NR6A1: variants seen among roughly 807,000 people sequenced by gnomAD.
NR6A1 encodes retinoic acid receptor-related testis-associated receptor.
A neutral mutation model predicts 59.1 loss-of-function variants in NR6A1; 7 were observed. That is an observed-to-expected ratio of 0.12 (90% CI 0.07 to 0.22). The LOEUF (loss-of-function observed/expected upper bound fraction) is 0.22, where lower values mean the gene tolerates loss of function less well. NR6A1 is among the 10% of genes least tolerant of loss of function. The probability of loss-of-function intolerance (pLI) is 1.00; values close to 1 mark genes in which losing one functional copy is unlikely to be tolerated. For synonymous variants in NR6A1, 243 were observed against 236.1 expected (o/e 1.03, Z -0.27); for missense variants, 468 against 611.6 (o/e 0.77, Z 2.48).
At chr9:124,653,600 G>T (rs1389828786) in intron 2 of NR6A1, among the ~76,000 whole-genome samples, 2 of 152,126 alleles carry the variant, frequency 1.3e-5, no homozygotes, top group Middle Eastern at 3.2e-3. Flanking sequence ...AGATATGGGG[G>T]TCTTACTATG....
intron 2 of NR6A1, among the ~76,000 whole-genome samples, chr9:124,705,688 C>T (rs920875731): frequency 2.6e-5 from 4 of 152,016 alleles, no homozygotes; most frequent in South Asian, 2.1e-4. Flanking sequence ...GGACTTTATG[C>T]TATTTTGCTA....
intron 2 of NR6A1, among the ~76,000 whole-genome samples, chr9:124,725,781 TAA>T (rs965670042): frequency 6.6e-6 from 1 of 152,032 alleles, no homozygotes; most frequent in African/African-American, 2.4e-5. Flanking sequence ...CTAGTCAACT[TAA>T]GAGAAAAATA....
intron 2 of NR6A1, among the ~76,000 whole-genome samples, chr9:124,592,416 T>C (rs1233071560): frequency 6.6e-6 from 1 of 152,202 alleles, no homozygotes; most frequent in East Asian, 1.9e-4. Flanking sequence ...TTGGTTTAAA[T>C]ATTAATGGAG....
intron 2 of NR6A1, among the ~76,000 whole-genome samples, chr9:124,575,671 C>T (rs1381911338): frequency 6.6e-6 from 1 of 152,196 alleles, no homozygotes; most frequent in African/African-American, 2.4e-5. Flanking sequence ...TGCTTAGTCT[C>T]TCCATGCCTC....
intron 2 of NR6A1, among the ~76,000 whole-genome samples, chr9:124,653,441 A>G (rs745956663): frequency 5.9e-5 from 9 of 152,088 alleles, no homozygotes; most frequent in Non-Finnish European, 1.2e-4. Context: ...TAAGAGACAG[A>G]GTCTCTGTCA....
chr9:124,627,708 A>T (rs1588720283), intron 2 of NR6A1, among the ~76,000 whole-genome samples: 1 of 152,142 alleles, frequency 6.6e-6, no homozygotes, highest in East Asian at 1.9e-4. Context: ...AGTAGCTCAG[A>T]CTACAGGCAT....
chr9:124,544,922 G>T (rs1329079293), intron 3 of NR6A1, among the ~76,000 whole-genome samples: 4 of 152,110 alleles, frequency 2.6e-5, no homozygotes, highest in Non-Finnish European at 5.9e-5. Flanking sequence ...AGCTTGGAAG[G>T]GGTTAATGTT....
At chr9:124,644,472 G>A (rs113978284) in intron 2 of NR6A1, among the ~76,000 whole-genome samples, 4,007 of 151,562 alleles carry the variant, frequency 0.026, 87 homozygotes, top group African/African-American at 0.065. Flanking sequence ...GGCTGGTCTC[G>A]AACTCCTGAC....
At chr9:124,635,105 A>C (rs1021357158) in intron 2 of NR6A1, among the ~76,000 whole-genome samples, 2 of 152,134 alleles carry the variant, frequency 1.3e-5, no homozygotes, top group African/African-American at 2.4e-5. Flanking sequence ...ATTACAGTGG[A>C]ATAGTATTAC....
intron 2 of NR6A1, among the ~76,000 whole-genome samples, chr9:124,654,988 C>A (rs190219294): frequency 6.6e-6 from 1 of 151,322 alleles, no homozygotes; most frequent in East Asian, 1.9e-4. Context: ...AATTTAACTG[C>A]ACTTTCAAAA....
chr9:124,706,416 T>TAGGAA (rs1839134172), intron 2 of NR6A1, among the ~76,000 whole-genome samples: 1 of 152,226 alleles, frequency 6.6e-6, no homozygotes, highest in Non-Finnish European at 1.5e-5. Context: ...TTTCCTTTAG[T>TAGGAA]ATTTTAAAGC....
chr9:124,716,600 G>A (rs1024027615), intron 2 of NR6A1, among the ~76,000 whole-genome samples: 1 of 152,126 alleles, frequency 6.6e-6, no homozygotes, highest in Non-Finnish European at 1.5e-5. Flanking sequence ...CCCACCACTC[G>A]ACAGTTGAAC....
At chr9:124,549,742 G>A (rs1833712522) in intron 3 of NR6A1, among the ~76,000 whole-genome samples, 1 of 152,176 alleles carries the variant, frequency 6.6e-6, no homozygotes, top group African/African-American at 2.4e-5. Context: ...TGCAAAAATA[G>A]TATGGAGAGT....
chr9:124,551,015 T>C (rs1324491379), intron 3 of NR6A1, among the ~76,000 whole-genome samples: 3 of 152,234 alleles, frequency 2.0e-5, no homozygotes, highest in African/African-American at 7.2e-5. Context: ...TTCTTTCAGG[T>C]TGGCTTCTGT....
At chr9:124,680,695 G>C (rs1379040465) in intron 2 of NR6A1, among the ~76,000 whole-genome samples, 2 of 152,140 alleles carry the variant, frequency 1.3e-5, no homozygotes, top group Non-Finnish European at 2.9e-5. Context: ...GGGACTACGA[G>C]AGTTTCCCAC....
chr9:124,688,863 A>G (rs1838428004), intron 2 of NR6A1, among the ~76,000 whole-genome samples: 1 of 152,236 alleles, frequency 6.6e-6, no homozygotes, highest in Non-Finnish European at 1.5e-5. Context: ...TTTAAATATT[A>G]TCATCTAATT....
At chr9:124,737,998 G>A (rs1490097817) in intron 1 of NR6A1, among the ~76,000 whole-genome samples, 1 of 152,212 alleles carries the variant, frequency 6.6e-6, no homozygotes, top group African/African-American at 2.4e-5. Flanking sequence ...GCTCACGCCT[G>A]TAATTCCAGC....
chr9:124,598,823 C>T (rs1449344290), intron 2 of NR6A1: 1 of 791,816 alleles, frequency 1.3e-6, no homozygotes, highest in African/African-American at 1.7e-5. Context: ...TTTCTTTTCT[C>T]TCTCTCCAAT....
chr9:124,554,209 G>C (rs1833866623), intron 3 of NR6A1, 119 bp downstream of exon 3: 1 of 1,487,796 alleles, frequency 6.7e-7, no homozygotes, highest in Non-Finnish European at 9.1e-7. Flanking sequence ...TTGGTTATGA[G>C]TACAAACTAT....
Sources: gnomAD v4.1 joint callset for allele counts (sites outside exome capture counted in the v4.1 genomes callset) on GRCh38, gnomAD v4.1.1 for gene constraint, MANE v1.5 for transcripts, NCBI Gene and HGNC (gene_info 2026-07-23, HGNC 2026-07-21) for gene names.